PTPRE: variants seen among roughly 807,000 people sequenced by gnomAD.
PTPRE encodes the protein protein tyrosine phosphatase receptor type E, also known as receptor-type tyrosine-protein phosphatase epsilon.
PTPRE carries 51 observed loss-of-function variants against 102.0 expected under a neutral mutation model. The observed-to-expected ratio is 0.50, with a 90% CI of 0.40 to 0.63. PTPRE has a LOEUF of 0.63. Among genes scored for constraint, PTPRE ranks in the 30% least tolerant of loss-of-function variants. The pLI is 0.00. For missense variants in PTPRE, 752 were observed against 915.1 expected (o/e 0.82, Z 2.30); for synonymous variants, 345 against 348.2 (o/e 0.99, Z 0.10).
At chr10:128,055,769 C>T (rs1311074866) in intron 6 of PTPRE, among the ~76,000 whole-genome samples, 1 of 152,202 alleles carries the variant, frequency 6.6e-6, no homozygotes, top group Non-Finnish European at 1.5e-5. Context: ...GTAGTCAGTT[C>T]TTACCAAATC....
chr10:127,959,389 A>G (rs944115567), intron 1 of PTPRE, among the ~76,000 whole-genome samples: 6 of 152,212 alleles, frequency 3.9e-5, no homozygotes, highest in African/African-American at 9.6e-5. Flanking sequence ...TTTACCAGAA[A>G]TAAGTCCTGC....
In PTPRE at chr10:128,070,555, ACTGACCTC is replaced by A; in HGVS notation, c.1293+106_1293+113del. ...GCCTCTTTCAATCACTTGCCCCTTAACTGACCTCAGAAAAAGCAGGGGCAATACCTGAG... is the reference window on the plus strand; with the variant it reads ...GCCTCTTTCAATCACTTGCCCCTTAAAGAAAAAGCAGGGGCAATACCTGAG... On this transcript the variant is annotated intron_variant, in intron 14 of 20. Coordinates refer to ENST00000254667, the MANE Select transcript of PTPRE (RefSeq NM_006504.6). The surrounding 1 kb of genome is among the most constrained non-coding windows in gnomAD (Gnocchi z 4.8). The A allele has an allele frequency of 7.0e-7, 1 of 1,426,206 alleles. No individual in the cohort carries two copies. Among genetic ancestry groups the A allele is most frequent in the African/African-American group, 1.4e-5 (1 of 70,160 alleles). The allele number at this position is 1,426,206 out of a possible 1,614,324, so 88.3% of individuals were successfully genotyped here.
At chr10:127,964,999 GT>G (rs1179290570) in intron 1 of PTPRE, 6 of 456,500 alleles carry the variant, frequency 1.3e-5, no homozygotes, top group Admixed American at 9.4e-5. Context: ...CACTGACATG[GT>G]ATGAAGGCAT....
chr10:127,932,170 A>G (rs1847492943), intron 1 of PTPRE, among the ~76,000 whole-genome samples: 1 of 152,216 alleles, frequency 6.6e-6, no homozygotes, highest in Non-Finnish European at 1.5e-5. Context: ...TCAACTTATG[A>G]TTGTCCTCCT....
chr10:128,006,520 C>A (rs1478102185), intron 2 of PTPRE, among the ~76,000 whole-genome samples: 9 of 152,202 alleles, frequency 5.9e-5, no homozygotes, highest in African/African-American at 2.2e-4. Context: ...TTGTGTTTTA[C>A]TTGGCTTCCA....
intron 7 of PTPRE, among the ~76,000 whole-genome samples, chr10:128,059,367 C>T (rs1410555587): frequency 2.6e-5 from 4 of 152,178 alleles, no homozygotes; most frequent in Non-Finnish European, 5.9e-5. Flanking sequence ...GCTGGCAGCC[C>T]GACAGAGCTG....
chr10:127,938,033 T>C (rs1217984201), intron 1 of PTPRE, among the ~76,000 whole-genome samples: 2 of 152,170 alleles, frequency 1.3e-5, no homozygotes, highest in Non-Finnish European at 2.9e-5. Flanking sequence ...AAATATTTAT[T>C]CCTTATATTT....
chr10:128,058,550 A>G (rs923203804), intron 7 of PTPRE, among the ~76,000 whole-genome samples: 9 of 152,210 alleles, frequency 5.9e-5, no homozygotes, highest in Admixed American at 2.6e-4. Context: ...GAATGGTGGC[A>G]TGGAGACGCT....
At position 128,020,033 on chromosome 10, in the gene PTPRE, TGTGTGTGTGTGTGCACGCGCGCAC is replaced by T. The variant is rs985961175; in HGVS notation, c.-7-20828_-7-20805del. ...CCAGAGGGTGGAGGCTGTGTGTGTG[TGTGTGTGTGTGTGCACGCGCGCAC>T]GTGTGTGTGTGTGTGTGTGCGTGCA... is the stretch of plus-strand genomic sequence containing the variant. On this transcript the variant is annotated intron_variant, in intron 2 of 20. Transcript: ENST00000254667. Among the ~76,000 whole-genome samples, 4 of 124,154 alleles carry T rather than the reference TGTGTGTGTGTGTGCACGCGCGCAC, an allele frequency of 3.2e-5. No homozygotes were observed. In the South Asian group the frequency reaches 1.0e-3, roughly 32 times the overall value. The allele number at this position is 124,154 out of a possible 152,430, so 81.4% of individuals were successfully genotyped here.
chr10:128,067,470 A>G (rs913601991), intron 11 of PTPRE, among the ~76,000 whole-genome samples: 2 of 151,968 alleles, frequency 1.3e-5, no homozygotes, highest in African/African-American at 2.4e-5. Context: ...ACATGTGCAC[A>G]CATTCACACG....
At chr10:127,931,632 C>T (rs567109496) in intron 1 of PTPRE, among the ~76,000 whole-genome samples, 95 of 152,172 alleles carry the variant, frequency 6.2e-4, no homozygotes, top group Non-Finnish European at 1.2e-3. Context: ...GAAACTCTAC[C>T]GCCCCCTTTG....
At chr10:128,006,845 T>A (rs1380158009) in intron 2 of PTPRE, among the ~76,000 whole-genome samples, 1 of 152,178 alleles carries the variant, frequency 6.6e-6, no homozygotes, top group Non-Finnish European at 1.5e-5. Context: ...TGCCATAAAG[T>A]ATTCTCTCTC....
At chr10:128,077,840 G>GA in intron 19 of PTPRE, 57 bp downstream of exon 19, 1 of 1,536,274 alleles carries the variant, frequency 6.5e-7, no homozygotes, top group Non-Finnish European at 8.8e-7. Flanking sequence ...CACCCCCCCA[G>GA]TACCCGCAGC....
At chr10:127,913,210 CA>C (rs1016513726) in intron 1 of PTPRE, among the ~76,000 whole-genome samples, 7 of 152,212 alleles carry the variant, frequency 4.6e-5, no homozygotes, top group Admixed American at 4.6e-4. Flanking sequence ...TCACACAAGG[CA>C]AGGGCCCAGG....
In PTPRE at chr10:128,084,969, C is replaced by A; in HGVS notation, c.*2063C>A. 1 of 350,508 alleles carries A rather than the reference C, an allele frequency of 2.9e-6. No individual in the cohort carries two copies. Among genetic ancestry groups the A allele is most frequent in the Non-Finnish European group, 5.8e-6 (1 of 172,636 alleles). 21.7% of individuals were successfully genotyped at this position (350,508 alleles called of 1,614,324 possible). On this transcript the variant is annotated 3_prime_UTR_variant, in exon 21 of 21. Transcript: ENST00000254667. ...CTTTAAGGTAGACCTTTTCAGGGTG[C>A]CCTCAGGAAAGGGCCCTGCTCATGT... is the stretch of plus-strand genomic sequence containing the variant.
intron 1 of PTPRE, among the ~76,000 whole-genome samples, chr10:127,979,933 T>G (rs987380453): frequency 1.3e-5 from 2 of 152,216 alleles, no homozygotes; most frequent in African/African-American, 4.8e-5. Flanking sequence ...TTTCTATCAA[T>G]CCTCTTGAGA....
chr10:127,907,290 A>G lies in PTPRE; in HGVS notation c.-50A>G. On this transcript the variant is annotated 5_prime_UTR_variant, in exon 1 of 21. Coordinates refer to ENST00000254667, the MANE Select transcript of PTPRE (RefSeq NM_006504.6). This position sits in a 1 kb window ranked among gnomAD's most constrained non-coding sequence, Gnocchi z 4.8. Reference sequence around the variant, plus strand: ...CCTCCGCTGCAGCGCGATCTGCGCGACCAGACCGGCCCCCCCGAGGTGAGC... The same window carrying G: ...CCTCCGCTGCAGCGCGATCTGCGCGGCCAGACCGGCCCCCCCGAGGTGAGC... 3.0e-6 allele frequency: 3 copies of G among 984,510 alleles called. No individual in the cohort carries two copies. Among genetic ancestry groups the G allele is most frequent in the Non-Finnish European group, 3.6e-6 (3 of 829,688 alleles). 61.0% of individuals were successfully genotyped at this position (984,510 alleles called of 1,614,324 possible).
intron 1 of PTPRE, chr10:127,965,074 C>A (rs763263183): frequency 1.1e-5 from 5 of 454,302 alleles, no homozygotes; most frequent in Non-Finnish European, 2.2e-5. Context: ...CACTTGACTT[C>A]TAAAATTCAG....
In PTPRE at chr10:127,966,152, G is replaced by A. The variant is rs531390632; in HGVS notation, c.-30-16122G>A. 5.3e-5 allele frequency among the ~76,000 whole-genome samples: 8 copies of A among 152,324 alleles called. No individual in the cohort carries two copies. The East Asian group carries it at 1.5e-3, about 29-fold the overall frequency. ...ATGTTTATCCTCATTTCATCCATGAGGAAGTGGAAGCTCAAAGAGGTCCTA... is the reference window on the plus strand; with the variant it reads ...ATGTTTATCCTCATTTCATCCATGAAGAAGTGGAAGCTCAAAGAGGTCCTA... On this transcript the variant is annotated intron_variant, in intron 1 of 20. Coordinates refer to ENST00000254667, the MANE Select transcript of PTPRE (RefSeq NM_006504.6).
Sources: gnomAD v4.1 joint callset for allele counts (sites outside exome capture counted in the v4.1 genomes callset) on GRCh38, gnomAD v4.1.1 for gene constraint, Gnocchi (gnomAD v3.1) non-coding constraint, MANE v1.5 for transcripts, NCBI Gene and HGNC (gene_info 2026-07-23, HGNC 2026-07-21) for gene names.